ROBO2: variants seen among roughly 807,000 people sequenced by gnomAD.
The protein encoded by ROBO2 is roundabout homolog 2.
ROBO2 carries 53 observed loss-of-function variants against 160.8 expected under a neutral mutation model. The ratio of observed to expected loss-of-function variants is 0.33; its 90% CI spans 0.26 to 0.41. The LOEUF (loss-of-function observed/expected upper bound fraction) is 0.41. ROBO2 is among the 10% of genes least tolerant of loss of function. The pLI, the probability that ROBO2 is intolerant of heterozygous loss-of-function variation, is 1.00. For missense variants in ROBO2, 1,577 were observed against 1,722.4 expected, an observed-to-expected ratio of 0.92 and a Z score of 1.49; for synonymous variants, 664 against 611.7, an observed-to-expected ratio of 1.09 and a Z score of -1.26.
intron 2 of ROBO2, among the ~76,000 whole-genome samples, chr3:76,740,308 A>G (rs1033108907): frequency 1.3e-5 from 2 of 152,180 alleles, no homozygotes; most frequent in African/African-American, 4.8e-5. Flanking sequence ...TTCCTTTTCT[A>G]TCACAAATCT....
chr3:76,631,990 C>A (rs539792286), intron 2 of ROBO2, among the ~76,000 whole-genome samples: 1 of 152,318 alleles, frequency 6.6e-6, no homozygotes, highest in African/African-American at 2.4e-5. Flanking sequence ...AATAGTTTAG[C>A]AAACTACTGA....
At position 76,681,866 on chromosome 3, in the gene ROBO2, G is replaced by A. The variant is rs914292308; in HGVS notation, c.110-416148G>A. Among the ~76,000 whole-genome samples, 5 of 152,198 alleles carry A rather than the reference G, an allele frequency of 3.3e-5. No homozygotes were observed. The South Asian group carries it at 1.0e-3, about 32-fold the overall frequency. ...AGGAGATGTTAGAGAGATAGGCAAGGGCTAGATTATTTGAAGTCTTGTATT... is the reference window on the plus strand; with the variant it reads ...AGGAGATGTTAGAGAGATAGGCAAGAGCTAGATTATTTGAAGTCTTGTATT... On this transcript the variant is annotated intron_variant, in intron 2 of 26. Transcript: ENST00000487694.
At chr3:76,937,996 A>G (rs988149534) in intron 2 of ROBO2, among the ~76,000 whole-genome samples, 1 of 152,222 alleles carries the variant, frequency 6.6e-6, no homozygotes, top group Non-Finnish European at 1.5e-5. Context: ...GCAGTTAGGT[A>G]AGAATACTGG....
chr3:76,099,504 G>A (rs1175620684), intron 2 of ROBO2, among the ~76,000 whole-genome samples: 1 of 152,020 alleles, frequency 6.6e-6, no homozygotes, highest in African/African-American at 2.4e-5. Flanking sequence ...TATAGAAAAT[G>A]TTTCCAATTG....
intron 2 of ROBO2, among the ~76,000 whole-genome samples, chr3:77,434,128 C>T (rs1052366916): frequency 1.2e-4 from 18 of 152,080 alleles, no homozygotes; most frequent in African/African-American, 4.3e-4. Flanking sequence ...CTACAAGACC[C>T]TGCATTATCT....
chr3:77,201,451 T>C (rs1032145327), intron 2 of ROBO2, among the ~76,000 whole-genome samples: 2 of 152,198 alleles, frequency 1.3e-5, no homozygotes, highest in Non-Finnish European at 2.9e-5. Flanking sequence ...TTCTTATTTT[T>C]TAAGTTATAT....
chr3:76,888,801 G>C (rs1049525478), intron 2 of ROBO2, among the ~76,000 whole-genome samples: 1 of 152,180 alleles, frequency 6.6e-6, no homozygotes, highest in Non-Finnish European at 1.5e-5. Context: ...TATTGGCTCA[G>C]TTTGTAGTGT....
chr3:77,437,609 A>AC (rs1381233708), intron 2 of ROBO2, among the ~76,000 whole-genome samples: 2 of 152,002 alleles, frequency 1.3e-5, no homozygotes, highest in African/African-American at 4.8e-5. Flanking sequence ...AACATGTTTA[A>AC]CCTTTCTAAG....
intron 2 of ROBO2, among the ~76,000 whole-genome samples, chr3:76,597,350 AAC>A (rs1365435123): frequency 6.6e-6 from 1 of 152,100 alleles, no homozygotes; most frequent in Admixed American, 6.6e-5. Flanking sequence ...AATATTTGCA[AAC>A]ACATATCTGA....
chr3:76,272,035 G>A (rs564563221), intron 2 of ROBO2, among the ~76,000 whole-genome samples: 4 of 151,992 alleles, frequency 2.6e-5, no homozygotes, highest in African/African-American at 9.6e-5. Context: ...AATATGTTTA[G>A]CTTTAGACAC....
intron 1 of ROBO2, among the ~76,000 whole-genome samples, chr3:75,918,277 T>G (rs13075148): frequency 0.11 from 17,096 of 152,238 alleles, 1,024 homozygotes; most frequent in South Asian, 0.14. Context: ...CCAGCGCCAT[T>G]TATTAAATAG....
intron 2 of ROBO2, among the ~76,000 whole-genome samples, chr3:76,168,219 TCA>T (rs1286359003): frequency 5.3e-5 from 8 of 152,184 alleles, no homozygotes; most frequent in Non-Finnish European, 1.0e-4. Flanking sequence ...CATTTCAATG[TCA>T]AACCCTTAAA....
At chr3:77,447,290 A>G (rs1393260787) in intron 2 of ROBO2, among the ~76,000 whole-genome samples, 4 of 152,104 alleles carry the variant, frequency 2.6e-5, no homozygotes, top group South Asian at 4.2e-4. Context: ...ACAACTTACT[A>G]TAGTAAGAAA....
At chr3:76,558,394 A>C (rs2083939740) in intron 2 of ROBO2, among the ~76,000 whole-genome samples, 2 of 152,066 alleles carry the variant, frequency 1.3e-5, no homozygotes, top group South Asian at 2.1e-4. Flanking sequence ...TATGAGAGAA[A>C]AAATGTCATT....
At position 77,634,905 on chromosome 3, in the gene ROBO2, A is replaced by G. The variant is rs752277492; in HGVS notation, c.3796A>G (p.Thr1266Ala). The G allele has an allele frequency of 6.2e-7, 1 of 1,614,088 alleles. No homozygotes were observed. Among genetic ancestry groups the G allele is most frequent in the Admixed American group, 1.7e-5 (1 of 60,016 alleles). ...TACCTCCTCTCAAAGACCTCGACCT[A>G]CCAGCCCATTTTCTACTGACAGTAA... is the stretch of plus-strand genomic sequence containing the variant. Residue 1266 changes from threonine (T) to alanine (A), a missense_variant, in exon 24 of 26, where the codon ACC (threonine) becomes GCC (alanine). Physicochemically the swap from Thr to Ala is moderately conservative, Grantham distance 58. This residue lies in a region of ROBO2 where 637 missense variants were observed against 586.9 expected (regional missense o/e 1.09). Coordinates refer to ENST00000461745, the Ensembl canonical transcript of ROBO2.
chr3:77,192,178 T>G (rs755560350), intron 2 of ROBO2, among the ~76,000 whole-genome samples: 1 of 152,234 alleles, frequency 6.6e-6, no homozygotes, highest in Non-Finnish European at 1.5e-5. Flanking sequence ...AAATAAATTT[T>G]AAATGTCAAT....
At chr3:76,014,046 T>A (rs936707037) in intron 2 of ROBO2, among the ~76,000 whole-genome samples, 1 of 150,436 alleles carries the variant, frequency 6.6e-6, no homozygotes, top group Non-Finnish European at 1.5e-5. Context: ...ATAAAGGCAA[T>A]TGGTGGCTGG....
At chr3:76,833,573 A>G (rs1465135145) in intron 2 of ROBO2, among the ~76,000 whole-genome samples, 1 of 152,198 alleles carries the variant, frequency 6.6e-6, no homozygotes, top group Non-Finnish European at 1.5e-5. Flanking sequence ...TATCCACTAA[A>G]CTTAGACATG....
intron 2 of ROBO2, among the ~76,000 whole-genome samples, chr3:77,237,704 G>T (rs565694105): frequency 1.5e-4 from 23 of 152,292 alleles, no homozygotes; most frequent in Admixed American, 8.5e-4. Flanking sequence ...ATAAACATCT[G>T]TGTGCAGTTT....
Sources: allele counts gnomAD v4.1 joint callset (sites outside exome capture counted in the v4.1 genomes callset), GRCh38; gene constraint gnomAD v4.1.1; regional missense constraint gnomAD v4.1.1; transcripts MANE v1.5; gene names NCBI Gene and HGNC (gene_info 2026-07-23, HGNC 2026-07-21).